The following CACNA1C variants were observed in gnomAD, a reference collection of about 807,000 sequenced individuals.
CACNA1C encodes the protein voltage-dependent L-type calcium channel subunit alpha-1C.
A neutral mutation model predicts 229.0 loss-of-function variants in CACNA1C; 30 were observed. The ratio of observed to expected loss-of-function variants is 0.13; its 90% CI spans 0.10 to 0.18. The LOEUF is 0.18. CACNA1C is among the 10% of genes least tolerant of loss of function. CACNA1C has a pLI of 1.00. For missense variants in CACNA1C, 1,658 were observed against 2,845.0 expected (o/e 0.58, Z 9.49); for synonymous variants, 1,114 against 1,132.5 (o/e 0.98, Z 0.33).
At chr12:2,262,548 A>C (rs1413057627) in intron 3 of CACNA1C, among the ~76,000 whole-genome samples, 22 of 152,206 alleles carry the variant, frequency 1.4e-4, no homozygotes. Context: ...AATGAAATGC[A>C]GGGAGCCAGG....
At chr12:1,985,955 T>A (rs564788125) in intron 1 of CACNA1C, among the ~76,000 whole-genome samples, 1 of 152,106 alleles carries the variant, frequency 6.6e-6, no homozygotes, top group Non-Finnish European at 1.5e-5. Flanking sequence ...GGACTGCAGG[T>A]GCCTGCCACC....
chr12:2,566,484 A>C lies in CACNA1C; in HGVS notation c.1571A>C (p.Asn524Thr), dbSNP rs2154593336. Residue 524 changes from asparagine (N) to threonine (T), a missense_variant, in exon 12 of 47, where the codon AAT becomes ACT. Around this residue, in one of 20 missense-constraint regions of CACNA1C, gnomAD observed 149 missense variants for 194.2 expected, o/e 0.77. Transcript: ENST00000399655. The surrounding 1 kb of genome is among the most constrained non-coding windows in gnomAD (Gnocchi z 4.0). ...RRKCRAAVKSNVFYWLVIFLV... is the reference protein window; with the variant it reads ...RRKCRAAVKSTVFYWLVIFLV... ...AAGTGCCGCGCCGCAGTCAAGTCTA[A>C]TGTCTTCTACTGGCTGGTGATTTTC... 2 of 1,596,314 alleles carry C rather than the reference A, an allele frequency of 1.3e-6. No individual in the cohort carries two copies. Among genetic ancestry groups the C allele is most frequent in the Non-Finnish European group, 1.7e-6 (2 of 1,171,424 alleles).
intron 3 of CACNA1C, among the ~76,000 whole-genome samples, chr12:2,336,678 C>T (rs1481274672): frequency 6.6e-6 from 1 of 152,192 alleles, no homozygotes; most frequent in Non-Finnish European, 1.5e-5. Flanking sequence ...TCTCAGCTCA[C>T]ACCCAGGGAA....
At chr12:2,641,287 C>T (rs1263467948) in intron 30 of CACNA1C, among the ~76,000 whole-genome samples, 3 of 152,156 alleles carry the variant, frequency 2.0e-5, no homozygotes, top group Non-Finnish European at 4.4e-5. Flanking sequence ...ACACAAAAGG[C>T]CAGAGGCAGG....
intron 10 of CACNA1C, among the ~76,000 whole-genome samples, chr12:2,555,212 A>G (rs890665707): frequency 2.0e-5 from 3 of 152,106 alleles, no homozygotes; most frequent in Admixed American, 6.5e-5. Context: ...AACACTCAGG[A>G]TTAGGTTTCC....
At chr12:2,631,429 G>A (rs192576025) in intron 29 of CACNA1C, among the ~76,000 whole-genome samples, 1 of 152,288 alleles carries the variant, frequency 6.6e-6, no homozygotes, top group Admixed American at 6.5e-5. Flanking sequence ...CACAAAGACA[G>A]TATTCATATC....
chr12:2,616,424 C>G (rs2080599398), intron 29 of CACNA1C, among the ~76,000 whole-genome samples: 2 of 152,218 alleles, frequency 1.3e-5, no homozygotes, highest in African/African-American at 4.8e-5. Flanking sequence ...AGTCTCTCGC[C>G]CTGGCCGAGT....
chr12:2,186,550 G>C (rs1226585167), intron 3 of CACNA1C, among the ~76,000 whole-genome samples: 1 of 152,104 alleles, frequency 6.6e-6, no homozygotes, highest in Non-Finnish European at 1.5e-5. Flanking sequence ...CTGGGGGTCA[G>C]GGTCTGTGAG....
Position 2,693,295 on chromosome 12 carries a change from C to G in CACNA1C, c.*2096C>G, listed in dbSNP as rs930838053. On this transcript the variant is annotated 3_prime_UTR_variant, in exon 47 of 47. Transcript: ENST00000399655. ...TCTGATGAGCCCTCAGTCACTGGGCCGTCATCCGCATCCCCCATGGAAGAG... is the reference window on the plus strand; with the variant it reads ...TCTGATGAGCCCTCAGTCACTGGGCGGTCATCCGCATCCCCCATGGAAGAG... 1 of 152,310 alleles carries G rather than the reference C, an allele frequency of 6.6e-6. No homozygotes were observed. The highest frequency in any genetic ancestry group is 1.9e-4 in the East Asian group (1 of 5,162). 9.4% of individuals were successfully genotyped at this position (152,310 alleles called of 1,614,324 possible). A position where few individuals can be genotyped will look rare whatever the true frequency, so the allele number is the denominator to read the frequency against.
intron 38 of CACNA1C, 43 bp downstream of exon 38, chr12:2,669,078 T>C: frequency 7.5e-7 from 1 of 1,329,836 alleles, no homozygotes; most frequent in Non-Finnish European, 1.1e-6. Flanking sequence ...TCAGAAGGTC[T>C]AGCAGACAAT....
intron 1 of CACNA1C, among the ~76,000 whole-genome samples, chr12:2,085,849 A>G (rs1312113125): frequency 1.3e-5 from 2 of 151,946 alleles, no homozygotes; most frequent in Non-Finnish European, 2.9e-5. Context: ...CTCAGCTTTT[A>G]CTGTTTCTTC....
At chr12:2,402,709 C>T (rs1295381606) in intron 3 of CACNA1C, among the ~76,000 whole-genome samples, 1 of 152,146 alleles carries the variant, frequency 6.6e-6, no homozygotes, top group African/African-American at 2.4e-5. Context: ...CCTTGCATCG[C>T]CATTCAGCTT....
chr12:2,586,064 C>T (rs561112906), intron 18 of CACNA1C, among the ~76,000 whole-genome samples, 160 bp downstream of exon 18: 9 of 152,296 alleles, frequency 5.9e-5, no homozygotes, highest in African/African-American at 2.2e-4. Context: ...ATTTAAGCAT[C>T]ATCAGTCAGC....
At chr12:2,424,307 T>C (rs1281709408) in intron 3 of CACNA1C, among the ~76,000 whole-genome samples, 1 of 151,260 alleles carries the variant, frequency 6.6e-6, no homozygotes, top group Non-Finnish European at 1.5e-5. Flanking sequence ...ATCTGAGAGG[T>C]CCAGAGAAGA....
At chr12:2,663,666 G>A (rs1022080604) in intron 34 of CACNA1C, among the ~76,000 whole-genome samples, 18 of 151,556 alleles carry the variant, frequency 1.2e-4, no homozygotes, top group Non-Finnish European at 7.4e-5. Context: ...GGGCTTGTCC[G>A]TGTAAGCAAA....
intron 9 of CACNA1C, among the ~76,000 whole-genome samples, chr12:2,521,251 A>T (rs2099809303): frequency 6.6e-6 from 1 of 152,176 alleles, no homozygotes; most frequent in Non-Finnish European, 1.5e-5. Flanking sequence ...GGAGGGGCCT[A>T]TGAGCAGCAG....
At chr12:2,617,154 T>C (rs1055383370) in intron 29 of CACNA1C, among the ~76,000 whole-genome samples, 6 of 152,340 alleles carry the variant, frequency 3.9e-5, no homozygotes, top group African/African-American at 1.4e-4. Flanking sequence ...CCCCCACCTG[T>C]TGTCCTGAGG....
intron 3 of CACNA1C, among the ~76,000 whole-genome samples, chr12:2,290,821 G>T (rs759003261): frequency 1.3e-5 from 2 of 152,178 alleles, no homozygotes; most frequent in Non-Finnish European, 2.9e-5. Flanking sequence ...GATCTGAGAC[G>T]TGTTCCAGGA....
intron 9 of CACNA1C, among the ~76,000 whole-genome samples, chr12:2,518,573 A>C (rs923540793): frequency 2.0e-5 from 3 of 150,620 alleles, no homozygotes; most frequent in African/African-American, 2.5e-5. Context: ...GCGCCACTGC[A>C]CTCCAGCCTG....
Sources: gnomAD v4.1 joint callset for allele counts (sites outside exome capture counted in the v4.1 genomes callset) on GRCh38, gnomAD v4.1.1 for gene constraint, gnomAD v4.1.1 regional missense constraint, Gnocchi (gnomAD v3.1) non-coding constraint, MANE v1.5 for transcripts, NCBI Gene and HGNC (gene_info 2026-07-23, HGNC 2026-07-21) for gene names.